TTC7A: variants seen among roughly 807,000 people sequenced by gnomAD.
TTC7A encodes tetratricopeptide repeat protein 7A.
Under a neutral mutation model 103.7 loss-of-function variants are expected in TTC7A, and 110 were observed. That is an observed-to-expected ratio of 1.06 (90% CI 0.91 to 1.24). The LOEUF (loss-of-function observed/expected upper bound fraction) is 1.24. Among genes scored for constraint, TTC7A ranks in the 50% most tolerant of loss-of-function variants. The pLI, the probability that TTC7A is intolerant of heterozygous loss-of-function variation, is 0.00. For missense variants in TTC7A, 1,340 were observed against 1,116.3 expected (o/e 1.20, Z -2.86); for synonymous variants, 521 against 467.9 (o/e 1.11, Z -1.47).
chr2:46,917,041 G>C, intron 1 of TTC7A: 1 of 608,876 alleles, frequency 1.6e-6, no homozygotes, highest in South Asian at 1.9e-5. Flanking sequence ...AAGTGGCTAA[G>C]TAGTTAGATG....
chr2:47,066,806 T>A (rs1316209048), intron 19 of TTC7A, among the ~76,000 whole-genome samples: 2 of 152,238 alleles, frequency 1.3e-5, no homozygotes, highest in African/African-American at 4.8e-5. Context: ...TCCTTCCGCC[T>A]CAGCCTCCAA....
chr2:46,958,684 G>A (rs1250267173), intron 3 of TTC7A: 3 of 544,950 alleles, frequency 5.5e-6, no homozygotes, highest in Non-Finnish European at 8.8e-6. Context: ...TCCTGCTGCA[G>A]TGACCACGCC....
intron 2 of TTC7A, among the ~76,000 whole-genome samples, chr2:46,934,788 T>TTTTTTTTTTTTTTTG (rs1669886077): frequency 1.0e-4 from 1 of 9,710 alleles, no homozygotes; most frequent in Non-Finnish European, 1.8e-4. Context: ...ACTACTGCTC[T>TTTTTTTTTTTTTTTG]TTTTTTTTTT....
chr2:47,033,913 G>C (rs969247101), intron 15 of TTC7A, among the ~76,000 whole-genome samples: 1 of 152,198 alleles, frequency 6.6e-6, no homozygotes, highest in African/African-American at 2.4e-5. Context: ...GGAAAGGTTA[G>C]TGAGCTCCTT....
intron 17 of TTC7A, among the ~76,000 whole-genome samples, chr2:47,051,462 C>T (rs570275368): frequency 7.2e-5 from 11 of 152,326 alleles, no homozygotes; most frequent in Admixed American, 1.3e-4. Context: ...GTTGTGTTCA[C>T]GTAAAGAGCA....
chr2:46,944,441 A>G (rs576949008), intron 1 of TTC7A, among the ~76,000 whole-genome samples: 108 of 124,160 alleles, frequency 8.7e-4, no homozygotes, highest in Admixed American at 2.5e-3. Context: ...GTTCAGTGGT[A>G]TAATTATAGC....
chr2:47,058,017 A>G (rs751112239), intron 18 of TTC7A, among the ~76,000 whole-genome samples: 2 of 152,080 alleles, frequency 1.3e-5, no homozygotes, highest in African/African-American at 2.4e-5. Context: ...TATGTTAAGC[A>G]CTCAGTTATG....
rs113844968 is a variant in TTC7A at position 47,005,951 on chromosome 2, G to T, written c.1095G>T (p.Val365=). ...MATRDVVLSR[V]PEQEEDRTVS... The stretch of plus-strand genomic sequence containing the variant: ...CTCGAGATGTGGTGCTGAGCCGGGT[G>T]CCGGAGCAGGAGGAGGACCGGACAG... Residue 365 remains valine, a synonymous_variant, in exon 9 of 20, where the codon GTG becomes GTT. Coordinates refer to ENST00000319190, the MANE Select transcript of TTC7A (RefSeq NM_020458.4). 5,690 of 1,614,138 alleles carry T rather than the reference G, an allele frequency of 3.5e-3. 21 individuals are homozygous for T. Among genetic ancestry groups the T allele is most frequent in the Admixed American group, 5.8e-3 (349 of 60,024 alleles).
chr2:47,019,643 T>A (rs1679064977), intron 11 of TTC7A, among the ~76,000 whole-genome samples: 1 of 152,136 alleles, frequency 6.6e-6, no homozygotes, highest in Non-Finnish European at 1.5e-5. Context: ...GAATATGATG[T>A]ATATGAACTG....
intron 5 of TTC7A, among the ~76,000 whole-genome samples, chr2:46,989,826 GTGTGTGTGTGTGTGCATC>G (rs1675432482): frequency 2.0e-5 from 3 of 151,620 alleles, no homozygotes; most frequent in African/African-American, 7.3e-5. Context: ...GCATCTGTGT[GTGTGTGTGTGTGTGCATC>G]TGTGTGTGTG....
chr2:46,990,978 T>C (rs1477656291), intron 5 of TTC7A, among the ~76,000 whole-genome samples: 1 of 152,090 alleles, frequency 6.6e-6, no homozygotes. Flanking sequence ...AGTGATGCGA[T>C]TTCAGCTCAC....
chr2:46,977,579 T>C (rs1674002884), intron 4 of TTC7A, among the ~76,000 whole-genome samples: 1 of 152,102 alleles, frequency 6.6e-6, no homozygotes, highest in African/African-American at 2.4e-5. Context: ...TCCATGCTTG[T>C]TTGAGAGGGA....
chr2:47,031,884 G>T (rs1016692432), intron 15 of TTC7A, among the ~76,000 whole-genome samples: 4 of 152,250 alleles, frequency 2.6e-5, no homozygotes, highest in Non-Finnish European at 4.4e-5. Flanking sequence ...AATGGGGTCT[G>T]CCCAGCGTGG....
rs1453780917 is a variant in TTC7A at position 47,063,679 on chromosome 2, A to AT, written c.2355+2709dup. ...CCAGGGAGGACACTCTGGCCTTACC[A>AT]TGCCACTGTGACTTTATGAGGACGT... On this transcript the variant is annotated intron_variant, in intron 19 of 19. Coordinates refer to ENST00000319190, the MANE Select transcript of TTC7A (RefSeq NM_020458.4). Among the ~76,000 whole-genome samples, 24 of 152,340 alleles carry AT rather than the reference A, an allele frequency of 1.6e-4. No homozygotes were observed. The South Asian group carries it at 4.6e-3, about 29-fold the overall frequency.
chr2:46,974,211 G>A (rs1305656557), intron 3 of TTC7A, among the ~76,000 whole-genome samples: 1 of 152,262 alleles, frequency 6.6e-6, no homozygotes, highest in Admixed American at 6.5e-5. Flanking sequence ...ACAGGCTCCT[G>A]CCTTTAAAGA....
intron 5 of TTC7A, among the ~76,000 whole-genome samples, chr2:46,987,464 G>A (rs1558541832): frequency 6.6e-6 from 1 of 152,190 alleles, no homozygotes; most frequent in Non-Finnish European, 1.5e-5. Flanking sequence ...TAGGACAAGT[G>A]CCTGGGCATC....
upstream of TTC7A, among the ~76,000 whole-genome samples, chr2:46,940,650 G>A (rs1572667171): frequency 6.6e-6 from 1 of 152,366 alleles, no homozygotes; most frequent in East Asian, 1.9e-4. The surrounding 1 kb of genome is among the most constrained non-coding windows in gnomAD (Gnocchi z 4.7). Flanking sequence ...AGGTCAACGG[G>A]TTAGGGAAGT....
intron 18 of TTC7A, among the ~76,000 whole-genome samples, chr2:47,052,108 G>A (rs916180507): frequency 6.6e-6 from 1 of 152,222 alleles, no homozygotes; most frequent in African/African-American, 2.4e-5. Context: ...AACGTGAGAG[G>A]ATTGGAGGTC....
At chr2:47,013,666 C>T (rs1029290802) in intron 11 of TTC7A, among the ~76,000 whole-genome samples, 13 of 152,322 alleles carry the variant, frequency 8.5e-5, no homozygotes, top group Admixed American at 3.3e-4. Context: ...AGCATAATTA[C>T]AGTAATTATG....
Sources: gnomAD v4.1 joint callset for allele counts (sites outside exome capture counted in the v4.1 genomes callset) on GRCh38, gnomAD v4.1.1 for gene constraint, Gnocchi (gnomAD v3.1) non-coding constraint, MANE v1.5 for transcripts, NCBI Gene and HGNC (gene_info 2026-07-23, HGNC 2026-07-21) for gene names.